Variants in PAPPA2 observed in about 807,000 individuals in gnomAD.
PAPPA2 encodes pappalysin-2.
Under a neutral mutation model 176.4 loss-of-function variants are expected in PAPPA2, and 86 were observed. The ratio of observed to expected loss-of-function variants is 0.49; its 90% CI spans 0.41 to 0.58. The LOEUF (loss-of-function observed/expected upper bound fraction) is 0.58, where lower values mean the gene tolerates loss of function less well. Ranked by LOEUF, PAPPA2 falls within the 20% of genes least tolerant of loss-of-function variation. The probability of loss-of-function intolerance (pLI) is 0.00; values close to 1 mark genes in which losing one functional copy is unlikely to be tolerated. For missense variants in PAPPA2, 2,073 were observed against 2,256.9 expected (o/e 0.92, Z 1.65); for synonymous variants, 809 against 852.2 (o/e 0.95, Z 0.88).
chr1:176,588,180 A>G (rs1048241081), intron 2 of PAPPA2, among the ~76,000 whole-genome samples: 2 of 152,164 alleles, frequency 1.3e-5, no homozygotes, highest in Non-Finnish European at 2.9e-5. Flanking sequence ...GTGATTGTGA[A>G]TGGGAGTTCA....
At chr1:176,543,740 T>C (rs1285101016) in intron 1 of PAPPA2, among the ~76,000 whole-genome samples, 2 of 151,732 alleles carry the variant, frequency 1.3e-5, no homozygotes, top group Non-Finnish European at 2.9e-5. Context: ...TGGTGTAGAG[T>C]TGTAAGGACG....
chr1:176,479,590 G>A (rs1652293152), intron 1 of PAPPA2, among the ~76,000 whole-genome samples: 1 of 152,154 alleles, frequency 6.6e-6, no homozygotes, highest in African/African-American at 2.4e-5. Context: ...CATTCTTGTA[G>A]GTATTTGCTG....
At chr1:176,564,975 A>G (rs1267841966) in intron 2 of PAPPA2, among the ~76,000 whole-genome samples, 1 of 152,126 alleles carries the variant, frequency 6.6e-6, no homozygotes, top group Non-Finnish European at 1.5e-5. Context: ...AGCCATCAGC[A>G]ACCTACTCTC....
At chr1:176,531,356 G>T (rs1447695691) in intron 1 of PAPPA2, among the ~76,000 whole-genome samples, 1 of 152,196 alleles carries the variant, frequency 6.6e-6, no homozygotes, top group Non-Finnish European at 1.5e-5. Context: ...ACAAGGCTGG[G>T]ATCTGAGAAA....
chr1:176,692,776 A>T (rs567171458), intron 6 of PAPPA2, among the ~76,000 whole-genome samples: 43 of 152,226 alleles, frequency 2.8e-4, no homozygotes. Context: ...GGCTTCCCTG[A>T]CTTACGTAGG....
intron 1 of PAPPA2, among the ~76,000 whole-genome samples, chr1:176,501,492 G>A (rs1647961798): frequency 6.6e-6 from 1 of 152,068 alleles, no homozygotes; most frequent in Admixed American, 6.6e-5. Context: ...CCAAACTGAT[G>A]AAACATTTAA....
chr1:176,576,768 A>T (rs755942049), intron 2 of PAPPA2, among the ~76,000 whole-genome samples: 16 of 152,248 alleles, frequency 1.1e-4, no homozygotes, highest in Non-Finnish European at 2.1e-4. Context: ...ATCCGCATTT[A>T]TTCAGATCCC....
intron 17 of PAPPA2, among the ~76,000 whole-genome samples, chr1:176,783,952 C>T (rs1664823247): frequency 6.6e-6 from 1 of 152,170 alleles, no homozygotes; most frequent in Non-Finnish European, 1.5e-5. Flanking sequence ...GTGGCTTCTA[C>T]ATAATTCTGA....
At chr1:176,707,880 C>A (rs1660945035) in intron 10 of PAPPA2, among the ~76,000 whole-genome samples, 2 of 152,154 alleles carry the variant, frequency 1.3e-5, no homozygotes, top group Non-Finnish European at 2.9e-5. Flanking sequence ...ATCCAAACAT[C>A]CCCTCATGTG....
At chr1:176,668,372 C>G (rs1404478323) in intron 3 of PAPPA2, among the ~76,000 whole-genome samples, 1 of 152,114 alleles carries the variant, frequency 6.6e-6, no homozygotes, top group African/African-American at 2.4e-5. Flanking sequence ...AATGCATGCC[C>G]CTTTTGCGTT....
At chr1:176,842,201 C>T (rs150269021) in intron 22 of PAPPA2, among the ~76,000 whole-genome samples, 179 bp from the exon 23 acceptor site, 5 of 152,240 alleles carry the variant, frequency 3.3e-5, no homozygotes, top group Admixed American at 2.0e-4. Flanking sequence ...ATTACCTTGC[C>T]TAAGGCTACA....
In PAPPA2 at chr1:176,482,331, T is replaced by G. The variant is rs1652443820; in HGVS notation, c.-917+18913T>G. 2.0e-5 allele frequency among the ~76,000 whole-genome samples: 3 copies of G among 152,342 alleles called. No individual in the cohort carries two copies. In the South Asian group the frequency reaches 6.2e-4, roughly 32 times the overall value. Reference sequence around the variant, plus strand: ...TTTATTAGAGGAGAGTTTGATATAGTGGCAAGTACTGTTTATTTAGAGTTA... The same window carrying G: ...TTTATTAGAGGAGAGTTTGATATAGGGGCAAGTACTGTTTATTTAGAGTTA... On this transcript the variant is annotated intron_variant, in intron 1 of 22. Transcript: ENST00000367662.
chr1:176,798,874 T>G (rs1253997397), intron 20 of PAPPA2, among the ~76,000 whole-genome samples: 1 of 152,236 alleles, frequency 6.6e-6, no homozygotes, highest in East Asian at 1.9e-4. Flanking sequence ...TTATTTTCCC[T>G]CTAGAGAAGC....
At chr1:176,698,345 C>T (rs562023239) in intron 7 of PAPPA2, among the ~76,000 whole-genome samples, 1 of 152,328 alleles carries the variant, frequency 6.6e-6, no homozygotes, top group African/African-American at 2.4e-5. Flanking sequence ...CACAGGAGGG[C>T]TGACTCTGCT....
intron 17 of PAPPA2, among the ~76,000 whole-genome samples, chr1:176,787,078 T>A (rs958124145): frequency 2.6e-5 from 4 of 151,838 alleles, no homozygotes; most frequent in African/African-American, 9.7e-5. Flanking sequence ...AACCTGAAAG[T>A]TGGAAAGAAA....
intron 21 of PAPPA2, among the ~76,000 whole-genome samples, chr1:176,817,886 C>T (rs1359879136): frequency 1.3e-5 from 2 of 151,872 alleles, no homozygotes; most frequent in East Asian, 1.9e-4. Context: ...AAAGGAGGAA[C>T]GTATGGATGC....
chr1:176,836,516 G>A (rs1413528472), intron 21 of PAPPA2: 1 of 152,216 alleles, frequency 6.6e-6, no homozygotes, highest in Non-Finnish European at 1.5e-5. Flanking sequence ...TCTTAATCTG[G>A]TTCAAGAAAG....
At chr1:176,812,028 T>A (rs1666171684) in intron 21 of PAPPA2, among the ~76,000 whole-genome samples, 1 of 152,070 alleles carries the variant, frequency 6.6e-6, no homozygotes, top group Admixed American at 6.6e-5. Context: ...TTGTCTAAAA[T>A]TCCTCTGGAG....
At chr1:176,683,831 T>C (rs1659705543) in intron 4 of PAPPA2, among the ~76,000 whole-genome samples, 1 of 152,168 alleles carries the variant, frequency 6.6e-6, no homozygotes. Flanking sequence ...ATCCCTCTGC[T>C]CTCAGATCAT....
Sources: allele counts gnomAD v4.1 joint callset (sites outside exome capture counted in the v4.1 genomes callset), GRCh38; gene constraint gnomAD v4.1.1; transcripts MANE v1.5; gene names NCBI Gene and HGNC (gene_info 2026-07-23, HGNC 2026-07-21).